EYS: variants seen among roughly 807,000 people sequenced by gnomAD.
The protein encoded by EYS is EGF-like photoreceptor maintenance factor.
Under a neutral mutation model 282.1 loss-of-function variants are expected in EYS, and 250 were observed. The ratio of observed to expected loss-of-function variants is 0.89; its 90% CI spans 0.80 to 0.98. EYS has a LOEUF of 0.98. Among genes scored for constraint, EYS ranks in the 50% least tolerant of loss-of-function variants. The probability of loss-of-function intolerance (pLI) is 0.00; values close to 1 mark genes in which losing one functional copy is unlikely to be tolerated. For synonymous variants in EYS, 1,355 were observed against 1,282.9 expected (o/e 1.06, Z -1.20); for missense variants, 4,016 against 3,709.0 (o/e 1.08, Z -2.15).
chr6:64,830,787 T>C (rs888515162), intron 19 of EYS, among the ~76,000 whole-genome samples: 3 of 151,866 alleles, frequency 2.0e-5, no homozygotes, highest in Non-Finnish European at 2.9e-5. Flanking sequence ...AAGGGTTGAC[T>C]ATAATAGATA....
chr6:64,960,198 T>G (rs888861449), intron 14 of EYS, among the ~76,000 whole-genome samples: 22 of 152,244 alleles, frequency 1.4e-4, no homozygotes, highest in Admixed American at 4.6e-4. Context: ...ATATTTATAA[T>G]GAGAGGAAAT....
intron 37 of EYS, among the ~76,000 whole-genome samples, chr6:63,793,445 A>G (rs947193541): frequency 2.0e-5 from 3 of 152,342 alleles, no homozygotes; most frequent in South Asian, 4.1e-4. Context: ...TGAAAGATCA[A>G]TTGAGTAATT....
At chr6:64,671,622 C>T (rs552946596) in intron 22 of EYS, among the ~76,000 whole-genome samples, 3 of 152,104 alleles carry the variant, frequency 2.0e-5, no homozygotes, top group Non-Finnish European at 4.4e-5. Context: ...TTAAGACACT[C>T]TAAACTGATG....
intron 12 of EYS, among the ~76,000 whole-genome samples, chr6:65,102,114 T>A (rs1226721906): frequency 6.6e-6 from 1 of 151,396 alleles, no homozygotes; most frequent in African/African-American, 2.4e-5. Flanking sequence ...CAAATTACTT[T>A]GTGAGGCATA....
intron 19 of EYS, among the ~76,000 whole-genome samples, chr6:64,868,392 C>T (rs9354178): frequency 0.16 from 23,523 of 151,204 alleles, 2,157 homozygotes; most frequent in East Asian, 0.49. Flanking sequence ...ATGTAAAATG[C>T]CACTAAATGT....
chr6:64,871,607 GGTAACTAT>G (rs1766599578), intron 19 of EYS, among the ~76,000 whole-genome samples: 1 of 151,926 alleles, frequency 6.6e-6, no homozygotes, highest in Admixed American at 6.6e-5. Flanking sequence ...AATAAAGGTA[GGTAACTAT>G]GTCTGCTCTC....
At chr6:64,845,362 C>G (rs1304377548) in intron 19 of EYS, among the ~76,000 whole-genome samples, 1 of 151,934 alleles carries the variant, frequency 6.6e-6, no homozygotes, top group Non-Finnish European at 1.5e-5. Flanking sequence ...TTTGTGTATC[C>G]TAAACATACT....
intron 35 of EYS, among the ~76,000 whole-genome samples, chr6:63,889,516 A>G (rs1360670871): frequency 6.6e-6 from 1 of 152,228 alleles, no homozygotes; most frequent in Non-Finnish European, 1.5e-5. Flanking sequence ...ATATCCAGCC[A>G]AACTATGCTT....
chr6:64,615,760 T>C (rs1767254238), intron 24 of EYS, among the ~76,000 whole-genome samples: 1 of 152,156 alleles, frequency 6.6e-6, no homozygotes, highest in Non-Finnish European at 1.5e-5. Context: ...GACAAGTTTT[T>C]AAATTTTGTT....
intron 5 of EYS, among the ~76,000 whole-genome samples, chr6:65,408,194 T>G (rs750312831): frequency 4.6e-5 from 7 of 152,164 alleles, no homozygotes; most frequent in Non-Finnish European, 8.8e-5. Context: ...TTCAATTTGC[T>G]TATATTTTGG....
intron 19 of EYS, among the ~76,000 whole-genome samples, chr6:64,833,445 G>A (rs1262490927): frequency 6.6e-6 from 1 of 151,806 alleles, no homozygotes; most frequent in Non-Finnish European, 1.5e-5. Context: ...TAGCCATTGG[G>A]TGTTGCTGTT....
At chr6:64,728,774 T>G (rs1771854453) in intron 22 of EYS, 1 of 152,272 alleles carries the variant, frequency 6.6e-6, no homozygotes. Context: ...CTTCACTGTC[T>G]GCACCCATGG....
chr6:65,079,044 A>G (rs1329469977), intron 12 of EYS, among the ~76,000 whole-genome samples: 1 of 151,866 alleles, frequency 6.6e-6, no homozygotes, highest in Non-Finnish European at 1.5e-5. Context: ...GCAGAACTGT[A>G]AGACAATTAA....
chr6:64,436,075 A>G (rs1774737620), intron 28 of EYS, 99 bp downstream of exon 28: 2 of 577,788 alleles, frequency 3.5e-6, no homozygotes, highest in African/African-American at 3.8e-5. Flanking sequence ...TGTTAATACT[A>G]ATCAGTATAA....
At chr6:64,062,691 C>CA (rs1023609648) in intron 33 of EYS, among the ~76,000 whole-genome samples, 5,120 of 58,642 alleles carry the variant, frequency 0.087, 247 homozygotes, top group African/African-American at 0.18. Flanking sequence ...AACTCCAACT[C>CA]AAAAAAAAAA....
At chr6:65,222,544 C>T (rs1562031814) in intron 12 of EYS, among the ~76,000 whole-genome samples, 1 of 152,172 alleles carries the variant, frequency 6.6e-6, no homozygotes, top group Non-Finnish European at 1.5e-5. Context: ...ATTACTCAGT[C>T]TCAGTATGTC....
At chr6:64,769,595 GTAAA>G (rs1485178918) in intron 22 of EYS, among the ~76,000 whole-genome samples, 1 of 151,958 alleles carries the variant, frequency 6.6e-6, no homozygotes, top group African/African-American at 2.4e-5. Flanking sequence ...GACACATGTA[GTAAA>G]TAAATAACCA....
At chr6:64,047,680 A>G (rs1770674501) in intron 33 of EYS, among the ~76,000 whole-genome samples, 1 of 152,174 alleles carries the variant, frequency 6.6e-6, no homozygotes. Flanking sequence ...TATTATTTTC[A>G]TCTCAGTTGG....
At chr6:64,457,800 C>A (rs950885629) in intron 26 of EYS, among the ~76,000 whole-genome samples, 1 of 151,736 alleles carries the variant, frequency 6.6e-6, no homozygotes, top group Non-Finnish European at 1.5e-5. Flanking sequence ...TTTTTCCCCC[C>A]CATTTGTCAT....
Sources: allele counts gnomAD v4.1 joint callset (sites outside exome capture counted in the v4.1 genomes callset), GRCh38; gene constraint gnomAD v4.1.1; transcripts MANE v1.5; gene names NCBI Gene and HGNC (gene_info 2026-07-23, HGNC 2026-07-21).